The following CEP126 variants were observed in gnomAD, a reference collection of about 807,000 sequenced individuals.
CEP126 encodes the protein centrosomal protein 126.
Under a neutral mutation model 107.8 loss-of-function variants are expected in CEP126, and 74 were observed. That is an observed-to-expected ratio of 0.69 (90% confidence interval 0.57 to 0.83). CEP126 has a LOEUF of 0.83. Ranked by LOEUF, CEP126 falls within the 40% of genes least tolerant of loss-of-function variation. CEP126 has a pLI of 0.00. For synonymous variants in CEP126, 449 were observed against 446.0 expected, an observed-to-expected ratio of 1.01 and a Z score of -0.08; for missense variants, 1,237 against 1,281.9, an observed-to-expected ratio of 0.96 and a Z score of 0.53.
intron 2 of CEP126, among the ~76,000 whole-genome samples, chr11:101,933,319 G>A (rs1400489969): frequency 1.3e-5 from 2 of 152,094 alleles, no homozygotes; most frequent in East Asian, 1.9e-4. Context: ...AAACAAATTC[G>A]TGTTACATGT....
rs1183012546 is a variant in CEP126 at position 101,963,778 on chromosome 11, G to A, written c.2743G>A (p.Glu915Lys). The A allele has an allele frequency of 6.2e-7, 1 of 1,614,032 alleles. No individual in the cohort carries two copies. Among genetic ancestry groups the A allele is most frequent in the African/African-American group, 1.3e-5 (1 of 74,916 alleles). Reference sequence around the variant, plus strand: ...TTGCACCCAAAGAAGTCCTGTTTGTGAAGAAAGTTATCCGTCTGTGACTCT... The same window carrying A: ...TTGCACCCAAAGAAGTCCTGTTTGTAAAGAAAGTTATCCGTCTGTGACTCT... ...LYCTQRSPVCEESYPSVTLRT... is the reference protein window; with the variant it reads ...LYCTQRSPVCKESYPSVTLRT... Residue 915 changes from glutamate to lysine, a missense_variant, in exon 6 of 11, where the codon GAA becomes AAA. Physicochemically the swap from Glu to Lys is moderately conservative, Grantham distance 56. Coordinates refer to ENST00000263468, the MANE Select transcript of CEP126 (RefSeq NM_020802.4).
chr11:101,953,612 G>A (rs1031796974), intron 4 of CEP126, among the ~76,000 whole-genome samples: 1 of 152,000 alleles, frequency 6.6e-6, no homozygotes, highest in South Asian at 2.1e-4. Flanking sequence ...GAAATGTGAT[G>A]ATGCGGAAAC....
At chr11:101,943,130 T>C (rs925356161) in intron 2 of CEP126, among the ~76,000 whole-genome samples, 11 of 151,886 alleles carry the variant, frequency 7.2e-5, no homozygotes, top group Non-Finnish European at 8.8e-5. Flanking sequence ...ACTTCTAATA[T>C]TATGTTGAAT....
At chr11:101,980,361 T>G (rs1011630018) in intron 7 of CEP126, among the ~76,000 whole-genome samples, 19 of 152,338 alleles carry the variant, frequency 1.2e-4, no homozygotes, top group Admixed American at 1.0e-3. Flanking sequence ...ATGTAGTTAA[T>G]AACCAAGGAA....
intron 8 of CEP126, 113 bp from the exon 9 acceptor site, chr11:101,986,719 G>A (rs557609420): frequency 3.0e-6 from 2 of 668,696 alleles, no homozygotes; most frequent in Admixed American, 5.3e-5. Flanking sequence ...GTTTCTGCTT[G>A]TAATATGAAT....
intron 2 of CEP126, among the ~76,000 whole-genome samples, chr11:101,926,242 G>A (rs747902298): frequency 7.2e-5 from 11 of 152,118 alleles, no homozygotes; most frequent in Non-Finnish European, 1.6e-4. Flanking sequence ...AAGAATTCCT[G>A]GAAGAACAAA....
At chr11:101,964,850 AAAGTAAGCACAGTGAAAAATATT>A (rs1190291680) in intron 6 of CEP126, among the ~76,000 whole-genome samples, 41 of 152,322 alleles carry the variant, frequency 2.7e-4, no homozygotes, top group African/African-American at 9.4e-4. Flanking sequence ...ATTTTCCAAC[AAAGTAAGCACAGTGAAAAATATT>A]GTTTAAATTA....
Position 101,956,808 on chromosome 11 carries a change from C to T in CEP126, c.507-1360C>T, listed in dbSNP as rs192459454. The stretch of plus-strand genomic sequence containing the variant: ...ATTCTTCACTCTCCTTCTGTTTCTA[C>T]CTCCCCATCTCCTTTTATTCCTATC... On this transcript the variant is annotated intron_variant, in intron 4 of 10. Transcript: ENST00000263468. 1.2e-3 allele frequency: 523 copies of T among 438,094 alleles called. 2 individuals carry two copies. The highest frequency in any genetic ancestry group is 9.8e-3 in the African/African-American group (484 of 49,186). The allele number at this position is 438,094 out of a possible 1,614,324, so 27.1% of individuals were successfully genotyped here. A position where few individuals can be genotyped will look rare whatever the true frequency, so the allele number is the denominator to read the frequency against.
At chr11:101,964,012 A>G (rs1209188740) in intron 6 of CEP126, 132 bp downstream of exon 6, 1 of 657,752 alleles carries the variant, frequency 1.5e-6, no homozygotes. Context: ...TTATAGAAAT[A>G]ACTTACCTCC....
chr11:101,915,358 G>GA lies in CEP126; in HGVS notation c.75dup (p.Ala26SerfsTer48), dbSNP rs1940182454. ...ACTGAATCATCGGACAACCTCGACA[G>GA]AGCCCCCCTCGGCCCTCGGGAGAGC... On this transcript the variant is annotated frameshift_variant, in exon 1 of 11. Coordinates refer to ENST00000263468, the MANE Select transcript of CEP126 (RefSeq NM_020802.4). LOFTEE classifies it high-confidence loss of function. 6.2e-7 allele frequency: 1 copy of GA among 1,613,864 alleles called. No individual in the cohort carries two copies. Among genetic ancestry groups the GA allele is most frequent in the Non-Finnish European group, 8.5e-7 (1 of 1,180,000 alleles).
chr11:101,968,653 TCCTC>T (rs1941088302), intron 6 of CEP126, among the ~76,000 whole-genome samples: 1 of 152,184 alleles, frequency 6.6e-6, no homozygotes, highest in South Asian at 2.1e-4. Context: ...GCAAATCAGT[TCCTC>T]ATAGTATAAG....
At chr11:101,956,352 C>T (rs753265785) in intron 4 of CEP126, 1 of 456,374 alleles carries the variant, frequency 2.2e-6, no homozygotes, top group Admixed American at 2.3e-5. Context: ...CCACCAGTCC[C>T]CACTCTTTCT....
At chr11:101,932,008 A>G (rs1220983581) in intron 2 of CEP126, among the ~76,000 whole-genome samples, 1 of 152,230 alleles carries the variant, frequency 6.6e-6, no homozygotes, top group Non-Finnish European at 1.5e-5. Context: ...ACCCTTCGAA[A>G]GTTGCTAAGG....
intron 5 of CEP126, among the ~76,000 whole-genome samples, chr11:101,960,402 T>C (rs994630414): frequency 1.3e-5 from 2 of 152,178 alleles, no homozygotes; most frequent in Non-Finnish European, 2.9e-5. Context: ...TTTCTGTGTC[T>C]CACTAGATGT....
At chr11:101,996,080 C>A (rs1486639794) in intron 10 of CEP126, among the ~76,000 whole-genome samples, 1 of 152,242 alleles carries the variant, frequency 6.6e-6, no homozygotes, top group Non-Finnish European at 1.5e-5. Context: ...AGGTGCCCAG[C>A]AGCTCACTCC....
chr11:101,998,618 A>G lies in CEP126; in HGVS notation c.*975A>G, dbSNP rs1021098063. Reference sequence around the variant, plus strand: ...AAAAAAAAAAAAAAAAAAGTGATGAATCAAAATTAGAAATTAAGAGTTTTA... The same window carrying G: ...AAAAAAAAAAAAAAAAAAGTGATGAGTCAAAATTAGAAATTAAGAGTTTTA... On this transcript the variant is annotated 3_prime_UTR_variant, in exon 11 of 11. Coordinates refer to ENST00000263468, the MANE Select transcript of CEP126 (RefSeq NM_020802.4). The G allele has an allele frequency of 2.7e-5, 4 of 149,484 alleles. No homozygotes were observed. In the East Asian group the frequency reaches 5.8e-4, roughly 22 times the overall value. 9.3% of individuals were successfully genotyped at this position (149,484 alleles called of 1,614,324 possible). A position where few individuals can be genotyped will look rare whatever the true frequency, so the allele number is the denominator to read the frequency against.
Position 101,944,396 on chromosome 11 carries a change from A to G in CEP126, c.380A>G (p.Gln127Arg). ...CAGCGTGCCCATGTTCCTCTTTCACAGCGGAGGAAAGCAGGTGCCTTAATT... is the reference window on the plus strand; with the variant it reads ...CAGCGTGCCCATGTTCCTCTTTCACGGCGGAGGAAAGCAGGTGCCTTAATT... ...KFQRAHVPLS[Q>R]RRKAVSRKPV... The change falls in exon 3 of 11, where the codon CAG (glutamine) becomes CGG (arginine). Residue 127 changes from glutamine to arginine, a missense_variant. Around this residue, in one of 3 missense-constraint regions of CEP126, gnomAD observed 1,134 missense variants for 1,150.5 expected, o/e 0.99. Transcript: ENST00000263468. 1.2e-6 allele frequency: 2 copies of G among 1,609,442 alleles called. No homozygotes were observed. The highest frequency in any genetic ancestry group is 1.7e-6 in the Non-Finnish European group (2 of 1,178,558).
chr11:101,937,677 T>TTTTGAAATATA (rs1940602340), intron 2 of CEP126, among the ~76,000 whole-genome samples: 1 of 152,182 alleles, frequency 6.6e-6, no homozygotes, highest in South Asian at 2.1e-4. Context: ...CACCTCTATA[T>TTTTGAAATATA]TTTGAAAATG....
In CEP126 at chr11:101,986,836, A is replaced by G. The variant is rs763053584; in HGVS notation, c.3039A>G (p.Ser1013=). The G allele has an allele frequency of 3.7e-6, 6 of 1,613,270 alleles. No homozygotes were observed. In the Admixed American group the frequency reaches 1.0e-4, roughly 27 times the overall value. ...AACTGATGTAAGTTTCTGTAGTTTC[A>G]GATAGTACTTCTGAGTTTTTGATGG... ...TRGTSYIEEV[S]DSTSEFLMAE... is the part of the protein sequence containing the mutation. The change falls in exon 9 of 11, where the codon TCA becomes TCG. Residue 1013 remains serine (S), a synonymous_variant. Coordinates refer to ENST00000263468, the MANE Select transcript of CEP126 (RefSeq NM_020802.4).
Sources: allele counts gnomAD v4.1 joint callset (sites outside exome capture counted in the v4.1 genomes callset), GRCh38; gene constraint gnomAD v4.1.1; regional missense constraint gnomAD v4.1.1; transcripts MANE v1.5; gene names NCBI Gene and HGNC (gene_info 2026-07-23, HGNC 2026-07-21).